RGS9: variants seen among roughly 807,000 people sequenced by gnomAD.
The protein encoded by RGS9 is regulator of G-protein signalling 9.
RGS9 carries 78 observed loss-of-function variants against 102.0 expected under a neutral mutation model. The ratio of observed to expected loss-of-function variants is 0.76; its 90% CI spans 0.64 to 0.92. The LOEUF (loss-of-function observed/expected upper bound fraction) is 0.92, where lower values mean the gene tolerates loss of function less well. RGS9 is among the 40% of genes least tolerant of loss of function. RGS9 has a pLI of 0.00. For synonymous variants in RGS9, 353 were observed against 318.6 expected, an observed-to-expected ratio of 1.11 and a Z score of -1.15; for missense variants, 833 against 866.1, an observed-to-expected ratio of 0.96 and a Z score of 0.48.
chr17:65,164,733 A>G (rs914631130), intron 7 of RGS9, among the ~76,000 whole-genome samples: 29 of 152,200 alleles, frequency 1.9e-4, no homozygotes, highest in Admixed American at 1.6e-3. Context: ...GAGAGCTGCC[A>G]CTGCTCATTA....
At chr17:65,215,339 G>A (rs1282317322) in intron 17 of RGS9, among the ~76,000 whole-genome samples, 1 of 152,146 alleles carries the variant, frequency 6.6e-6, no homozygotes, top group Non-Finnish European at 1.5e-5. Context: ...GTTAAGAAAG[G>A]TATTGATTAT....
chr17:65,199,517 A>G (rs1194378180), intron 13 of RGS9, among the ~76,000 whole-genome samples: 1 of 119,366 alleles, frequency 8.4e-6, no homozygotes, highest in Non-Finnish European at 1.6e-5. Flanking sequence ...TTTTTTTGAC[A>G]AATTCTCACT....
At position 65,189,356 on chromosome 17, in the gene RGS9, C is replaced by T. The variant is rs186080839; in HGVS notation, c.684+41C>T. 997 of 1,486,282 alleles carry T rather than the reference C, an allele frequency of 6.7e-4. 1 individual carries two copies. The highest frequency in any genetic ancestry group is 8.7e-4 in the Non-Finnish European group (928 of 1,063,722). The allele number at this position is 1,486,282 out of a possible 1,614,324, so 92.1% of individuals were successfully genotyped here. A position where few individuals can be genotyped will look rare whatever the true frequency, so the allele number is the denominator to read the frequency against. ...CTTCCAGTGAAGAATGGTTTTAAATCTTCTAACAGGTTATATGTACTTTGT... is the reference window on the plus strand; with the variant it reads ...CTTCCAGTGAAGAATGGTTTTAAATTTTCTAACAGGTTATATGTACTTTGT... On this transcript the variant is annotated intron_variant, in intron 10 of 18. Coordinates refer to ENST00000262406, the MANE Select transcript of RGS9 (RefSeq NM_003835.4).
chr17:65,137,456 C>A lies in RGS9; in HGVS notation c.-85C>A. 2.1e-6 allele frequency: 3 copies of A among 1,418,618 alleles called. No individual in the cohort carries two copies. The highest frequency in any genetic ancestry group is 1.1e-5 in the South Asian group (1 of 87,288). 87.9% of individuals were successfully genotyped at this position (1,418,618 alleles called of 1,614,324 possible). On this transcript the variant is annotated 5_prime_UTR_variant, in exon 1 of 19. Coordinates refer to ENST00000262406, the MANE Select transcript of RGS9 (RefSeq NM_003835.4). ...TCCCCGTCGACGCCCAGGGCTGGGG[C>A]GAGCCAGGCTGCCTTTCGAACTTGG...
chr17:65,171,116 C>T (rs1434579096), intron 8 of RGS9, among the ~76,000 whole-genome samples: 1 of 152,140 alleles, frequency 6.6e-6, no homozygotes, highest in Non-Finnish European at 1.5e-5. Flanking sequence ...CAGACTGTAA[C>T]CAACAGTTGT....
chr17:65,204,426 TGCA>T, intron 15 of RGS9, 125 bp downstream of exon 15: 1 of 1,184,344 alleles, frequency 8.4e-7, no homozygotes, highest in South Asian at 1.3e-5. Flanking sequence ...GGTTGTGGCA[TGCA>T]GCTAAGCATG....
intron 17 of RGS9, among the ~76,000 whole-genome samples, chr17:65,219,973 T>A (rs1913647578): frequency 6.6e-6 from 1 of 150,762 alleles, no homozygotes; most frequent in Non-Finnish European, 1.5e-5. Context: ...TCACCATTAA[T>A]ACACAATCAT....
intron 8 of RGS9, among the ~76,000 whole-genome samples, chr17:65,174,872 G>A (rs905772471): frequency 1.4e-4 from 21 of 152,142 alleles, no homozygotes; most frequent in African/African-American, 5.1e-4. Flanking sequence ...ATGGTGGCAG[G>A]CGAGAGAGAG....
At chr17:65,148,374 A>T (rs1256080556) in intron 1 of RGS9, among the ~76,000 whole-genome samples, 1 of 152,258 alleles carries the variant, frequency 6.6e-6, no homozygotes, top group Non-Finnish European at 1.5e-5. Context: ...TGCAGTGAAC[A>T]TGGGAGTGCA....
chr17:65,152,317 C>T (rs928870267), intron 1 of RGS9, among the ~76,000 whole-genome samples: 8 of 152,050 alleles, frequency 5.3e-5, no homozygotes, highest in South Asian at 2.1e-4. Context: ...CAGAGGGAGC[C>T]GGTGGGGAGT....
chr17:65,198,547 C>T (rs1912689403), intron 13 of RGS9, among the ~76,000 whole-genome samples: 1 of 152,240 alleles, frequency 6.6e-6, no homozygotes, highest in African/African-American at 2.4e-5. Context: ...TGAGCCACTG[C>T]ACCAGGACTG....
At chr17:65,143,179 G>A (rs1263885551) in intron 1 of RGS9, among the ~76,000 whole-genome samples, 1 of 152,090 alleles carries the variant, frequency 6.6e-6, no homozygotes, top group African/African-American at 2.4e-5. Context: ...GGGTGCTCCT[G>A]GCATCTAGTG....
At chr17:65,166,695 G>A (rs781557886) in intron 7 of RGS9, among the ~76,000 whole-genome samples, 5 of 152,148 alleles carry the variant, frequency 3.3e-5, no homozygotes, top group East Asian at 1.9e-4. Flanking sequence ...GAAAGGACCC[G>A]TGGGGTAAAT....
At chr17:65,189,403 T>C in intron 10 of RGS9, 88 bp downstream of exon 10, 1 of 1,034,882 alleles carries the variant, frequency 9.7e-7, no homozygotes, top group Non-Finnish European at 1.5e-6. Flanking sequence ...CGCTTGGTAA[T>C]GAAATGAAAA....
intron 9 of RGS9, among the ~76,000 whole-genome samples, chr17:65,182,686 A>G (rs1433043552): frequency 6.6e-6 from 1 of 152,232 alleles, no homozygotes; most frequent in Non-Finnish European, 1.5e-5. Flanking sequence ...TGACCCAGCC[A>G]GGATTCAGTT....
intron 7 of RGS9, among the ~76,000 whole-genome samples, chr17:65,166,042 C>T (rs1911168303): frequency 6.6e-6 from 1 of 152,136 alleles, no homozygotes; most frequent in Admixed American, 6.6e-5. Context: ...TTCCTACTCT[C>T]TTCTTGTAGC....
chr17:65,180,617 T>C (rs1911844612), intron 9 of RGS9, among the ~76,000 whole-genome samples: 2 of 152,368 alleles, frequency 1.3e-5, no homozygotes, highest in South Asian at 2.1e-4. Context: ...CCCAAAGTGC[T>C]GGGATTACAG....
intron 14 of RGS9, among the ~76,000 whole-genome samples, chr17:65,203,461 G>C (rs1912932287): frequency 6.6e-6 from 1 of 152,182 alleles, no homozygotes; most frequent in African/African-American, 2.4e-5. Flanking sequence ...AGGCTCCCTG[G>C]TTATGTTATG....
intron 11 of RGS9, among the ~76,000 whole-genome samples, chr17:65,191,741 T>A (rs537835580): frequency 1.3e-5 from 2 of 152,082 alleles, no homozygotes; most frequent in South Asian, 2.1e-4. Flanking sequence ...AGCAAGACTT[T>A]GTCTCAAAAA....
Sources: gnomAD v4.1 joint callset for allele counts (sites outside exome capture counted in the v4.1 genomes callset) on GRCh38, gnomAD v4.1.1 for gene constraint, MANE v1.5 for transcripts, NCBI Gene and HGNC (gene_info 2026-07-23, HGNC 2026-07-21) for gene names.